RAB27B: variants seen among roughly 807,000 people sequenced by gnomAD.
The protein encoded by RAB27B is ras-related protein Rab-27B.
RAB27B carries 15 observed loss-of-function variants against 24.6 expected under a neutral mutation model. The observed-to-expected ratio is 0.61, with a 90% CI of 0.41 to 0.94. RAB27B has a LOEUF of 0.94. Among genes scored for constraint, RAB27B ranks in the 40% least tolerant of loss-of-function variants. The pLI is 0.00. For synonymous variants in RAB27B, 105 were observed against 92.5 expected (o/e 1.14, Z -0.78); for missense variants, 261 against 266.8 (o/e 0.98, Z 0.15).
chr18:54,769,854 T>C (rs1374682248), intron 2 of RAB27B, among the ~76,000 whole-genome samples: 5 of 152,148 alleles, frequency 3.3e-5, no homozygotes, highest in African/African-American at 1.2e-4. Flanking sequence ...ACTGTTATCA[T>C]ATGCTAAGTT....
At chr18:54,852,606 C>A (rs1911631080) in intron 1 of RAB27B, among the ~76,000 whole-genome samples, 1 of 152,138 alleles carries the variant, frequency 6.6e-6, no homozygotes, top group Admixed American at 6.5e-5. Context: ...AAAGCCTTTA[C>A]AAGGTAGTTC....
intron 5 of RAB27B, among the ~76,000 whole-genome samples, chr18:54,888,764 G>A (rs922882638): frequency 2.0e-5 from 3 of 152,082 alleles, no homozygotes; most frequent in South Asian, 2.1e-4. Context: ...CAATTTACAC[G>A]TCTTTCTTGA....
At chr18:54,870,773 A>G (rs1192749138) in intron 1 of RAB27B, among the ~76,000 whole-genome samples, 2 of 152,210 alleles carry the variant, frequency 1.3e-5, no homozygotes, top group Non-Finnish European at 2.9e-5. Flanking sequence ...CAACTGTGGT[A>G]AGGTTGAGAG....
intron 2 of RAB27B, among the ~76,000 whole-genome samples, chr18:54,739,279 A>T (rs1909996820): frequency 6.6e-6 from 1 of 151,612 alleles, no homozygotes; most frequent in Non-Finnish European, 1.5e-5. Context: ...ACATGGTGAA[A>T]CCCCATCCCT....
chr18:54,795,121 T>G (rs893551993), intron 2 of RAB27B, among the ~76,000 whole-genome samples: 1 of 152,204 alleles, frequency 6.6e-6, no homozygotes, highest in African/African-American at 2.4e-5. Flanking sequence ...CCACTTATGG[T>G]TAATTTTACA....
At chr18:54,782,738 T>C (rs1226058106) in intron 2 of RAB27B, among the ~76,000 whole-genome samples, 2 of 152,208 alleles carry the variant, frequency 1.3e-5, no homozygotes, top group Non-Finnish European at 2.9e-5. Flanking sequence ...AAGATGACCC[T>C]TGTACAATTT....
At chr18:54,739,572 T>A (rs1910013424) in intron 2 of RAB27B, among the ~76,000 whole-genome samples, 1 of 102,516 alleles carries the variant, frequency 9.8e-6, no homozygotes. Flanking sequence ...TTTGCTGCTA[T>A]GAATAAAGTT....
chr18:54,819,309 TAAA>T (rs1910220918), intron 2 of RAB27B, among the ~76,000 whole-genome samples: 1 of 148,038 alleles, frequency 6.8e-6, no homozygotes, highest in South Asian at 2.1e-4. Flanking sequence ...TAATAAAAAA[TAAA>T]AAATAATTCC....
chr18:54,814,170 G>A (rs1437240154), intron 2 of RAB27B, among the ~76,000 whole-genome samples: 2 of 152,170 alleles, frequency 1.3e-5, no homozygotes, highest in African/African-American at 4.8e-5. Context: ...GTTAGGGACA[G>A]CAAACTCTCT....
At chr18:54,874,960 A>G (rs1016059244) in intron 1 of RAB27B, among the ~76,000 whole-genome samples, 2 of 152,098 alleles carry the variant, frequency 1.3e-5, no homozygotes, top group African/African-American at 4.8e-5. Context: ...CTAGCTATCT[A>G]TTTGGGTTGA....
chr18:54,885,641 C>T (rs141834376), intron 4 of RAB27B, among the ~76,000 whole-genome samples: 2 of 152,240 alleles, frequency 1.3e-5, no homozygotes, highest in African/African-American at 4.8e-5. Context: ...TGTATCCCCT[C>T]AACACACTTT....
intron 2 of RAB27B, among the ~76,000 whole-genome samples, chr18:54,773,894 G>C (rs1362590238): frequency 6.6e-6 from 1 of 152,052 alleles, no homozygotes; most frequent in East Asian, 1.9e-4. Flanking sequence ...AGGCCAGGCT[G>C]GTCTTGGACT....
chr18:54,877,525 C>G, intron 1 of RAB27B, 42 bp from the exon 2 acceptor site: 1 of 1,299,176 alleles, frequency 7.7e-7, no homozygotes, highest in Non-Finnish European at 1.0e-6. Context: ...AAAGGAAAAT[C>G]AACTTTAATC....
intron 1 of RAB27B, among the ~76,000 whole-genome samples, chr18:54,847,402 T>C (rs926053732): frequency 1.3e-5 from 2 of 152,186 alleles, no homozygotes; most frequent in South Asian, 4.1e-4. Flanking sequence ...AAAGAAGACA[T>C]CTGCATTTGC....
chr18:54,719,039 A>G (rs1281796173), intron 2 of RAB27B, among the ~76,000 whole-genome samples: 1 of 117,112 alleles, frequency 8.5e-6, no homozygotes, highest in African/African-American at 2.5e-5. Context: ...AATTCATGGT[A>G]AGATAAACAT....
intron 2 of RAB27B, among the ~76,000 whole-genome samples, chr18:54,772,909 G>A (rs1264459888): frequency 1.3e-5 from 2 of 152,112 alleles, no homozygotes; most frequent in Admixed American, 6.5e-5. Flanking sequence ...CCATCTGGAA[G>A]AATAATATCA....
chr18:54,886,148 T>G (rs936258372), intron 4 of RAB27B, among the ~76,000 whole-genome samples: 2 of 152,088 alleles, frequency 1.3e-5, no homozygotes, highest in African/African-American at 4.8e-5. Context: ...CAAACCTTAT[T>G]TGTCTCTTGA....
At chr18:54,736,827 T>C (rs1013225205) in intron 2 of RAB27B, among the ~76,000 whole-genome samples, 2 of 152,132 alleles carry the variant, frequency 1.3e-5, no homozygotes, top group Non-Finnish European at 2.9e-5. Context: ...GAGTTTTTCA[T>C]TGGATAGGAC....
At chr18:54,822,969 A>ATAT (rs1392149521) in intron 2 of RAB27B, among the ~76,000 whole-genome samples, 4 of 152,262 alleles carry the variant, frequency 2.6e-5, no homozygotes, top group Non-Finnish European at 5.9e-5. Flanking sequence ...AGGTCCAAGT[A>ATAT]TATCTTCATT....
Sources: gnomAD v4.1 joint callset for allele counts (sites outside exome capture counted in the v4.1 genomes callset) on GRCh38, gnomAD v4.1.1 for gene constraint, MANE v1.5 for transcripts, NCBI Gene and HGNC (gene_info 2026-07-23, HGNC 2026-07-21) for gene names.